The following ENTREP2 variants were observed in gnomAD, a reference collection of about 807,000 sequenced individuals.
ENTREP2 encodes the protein protein ENTREP2.
the ENTREP2 span, among the ~76,000 whole-genome samples, chr15:29,630,454 T>A: frequency 6.6e-6 from 1 of 152,198 alleles, no homozygotes. Flanking sequence ...TATCTTGATG[T>A]GGATTCTTTT....
the ENTREP2 span, among the ~76,000 whole-genome samples, chr15:29,658,131 G>C: frequency 1.3e-5 from 2 of 152,146 alleles, no homozygotes; most frequent in South Asian, 2.1e-4. Flanking sequence ...CATGTCTTGG[G>C]GGGGACCAGG....
At chr15:29,205,168 C>T in the ENTREP2 span, among the ~76,000 whole-genome samples, 1 of 152,194 alleles carries the variant, frequency 6.6e-6, no homozygotes, top group Non-Finnish European at 1.5e-5. Flanking sequence ...CTTTTTAAGG[C>T]TGAAGAATGT....
At chr15:29,176,349 G>A in the ENTREP2 span, among the ~76,000 whole-genome samples, 1 of 152,146 alleles carries the variant, frequency 6.6e-6, no homozygotes, top group Admixed American at 6.5e-5. Flanking sequence ...AATGCAGCTG[G>A]TAGTTCTCAG....
chr15:29,399,546 G>C, the ENTREP2 span, among the ~76,000 whole-genome samples: 1 of 152,150 alleles, frequency 6.6e-6, no homozygotes, highest in African/African-American at 2.4e-5. Flanking sequence ...ATGTTACCTG[G>C]TTACAAAATC....
At chr15:29,134,797 G>A in the ENTREP2 span, among the ~76,000 whole-genome samples, 1 of 152,280 alleles carries the variant, frequency 6.6e-6, no homozygotes, top group Admixed American at 6.5e-5. Context: ...GACCAGCATT[G>A]CCACCTGGCT....
chr15:29,450,984 GA>G, the ENTREP2 span, among the ~76,000 whole-genome samples: 223 of 144,812 alleles, frequency 1.5e-3, no homozygotes, highest in African/African-American at 5.0e-3. Context: ...AGAGATTCAG[GA>G]AAAAAAAAAA....
the ENTREP2 span, among the ~76,000 whole-genome samples, chr15:29,343,026 A>AT: frequency 2.7e-5 from 1 of 37,360 alleles, no homozygotes. Context: ...GTAAAAAGGA[A>AT]TGGGGGGGGT....
the ENTREP2 span, among the ~76,000 whole-genome samples, chr15:29,479,617 C>CCCCT: frequency 1.3e-5 from 2 of 149,978 alleles, no homozygotes; most frequent in South Asian, 4.2e-4. Context: ...TCTCTCCCTC[C>CCCCT]CTCTCTTTCT....
the ENTREP2 span, among the ~76,000 whole-genome samples, chr15:29,385,180 A>C: frequency 9.1e-4 from 138 of 152,266 alleles, no homozygotes; most frequent in Non-Finnish European, 1.9e-3. Flanking sequence ...TTCTACAGTG[A>C]CTAAGTCGCT....
the ENTREP2 span, among the ~76,000 whole-genome samples, chr15:29,392,616 C>G: frequency 1.3e-5 from 2 of 152,164 alleles, no homozygotes; most frequent in Non-Finnish European, 1.5e-5. Flanking sequence ...CTTTAGTATT[C>G]TGAACTTTTT....
At chr15:29,172,170 G>A in the ENTREP2 span, among the ~76,000 whole-genome samples, 4 of 152,116 alleles carry the variant, frequency 2.6e-5, no homozygotes, top group Non-Finnish European at 4.4e-5. Flanking sequence ...CCATTAGTGG[G>A]CCCTCCAAAA....
At chr15:29,352,712 CTGTT>C in the ENTREP2 span, among the ~76,000 whole-genome samples, 1 of 152,208 alleles carries the variant, frequency 6.6e-6, no homozygotes, top group Non-Finnish European at 1.5e-5. Context: ...CCGCCTGTCA[CTGTT>C]TGCCAGCCAA....
chr15:29,178,546 G>A, the ENTREP2 span, among the ~76,000 whole-genome samples: 1 of 151,886 alleles, frequency 6.6e-6, no homozygotes, highest in African/African-American at 2.4e-5. Context: ...CTGGGCGAGC[G>A]CTAGAAAGGA....
chr15:29,483,351 C>CA, the ENTREP2 span, among the ~76,000 whole-genome samples: 1 of 152,144 alleles, frequency 6.6e-6, no homozygotes, highest in Admixed American at 6.5e-5. Flanking sequence ...TCCAGCTTAC[C>CA]AATTTTTTCT....
the ENTREP2 span, among the ~76,000 whole-genome samples, chr15:29,372,491 T>C: frequency 6.8e-4 from 103 of 152,178 alleles, no homozygotes; most frequent in Non-Finnish European, 1.1e-3. Flanking sequence ...ACACATTATA[T>C]GCAAATTTTC....
the ENTREP2 span, among the ~76,000 whole-genome samples, chr15:29,132,706 C>A: frequency 6.6e-6 from 1 of 152,320 alleles, no homozygotes; most frequent in Admixed American, 6.5e-5. Flanking sequence ...ACTGTGAACA[C>A]AACAGGAACC....
At chr15:29,221,942 A>G in the ENTREP2 span, among the ~76,000 whole-genome samples, 193 of 152,280 alleles carry the variant, frequency 1.3e-3, 1 homozygote, top group African/African-American at 4.5e-3. Flanking sequence ...TTTCAAAAAC[A>G]TTAAATTAGG....
the ENTREP2 span, among the ~76,000 whole-genome samples, chr15:29,334,990 G>A: frequency 6.6e-6 from 1 of 152,154 alleles, no homozygotes; most frequent in Non-Finnish European, 1.5e-5. Context: ...GAAATGACAT[G>A]CAGAAGACCC....
chr15:29,605,701 T>TG, the ENTREP2 span, among the ~76,000 whole-genome samples: 35,698 of 151,368 alleles, frequency 0.24, 4,678 homozygotes, highest in African/African-American at 0.34. Context: ...CTGGGCATGA[T>TG]GGGGGGGTGC....
Sources: allele counts gnomAD v4.1 joint callset (sites outside exome capture counted in the v4.1 genomes callset), GRCh38; gene constraint gnomAD v4.1.1; transcripts MANE v1.5; gene names NCBI Gene and HGNC (gene_info 2026-07-23, HGNC 2026-07-21).